Variants in MED13L observed in about 807,000 individuals in gnomAD.
MED13L encodes the protein mediator complex subunit 13L, also known as mediator of RNA polymerase II transcription subunit 13-like.
A neutral mutation model predicts 220.9 loss-of-function variants in MED13L; 7 were observed. That is an observed-to-expected ratio of 0.03 (90% CI 0.02 to 0.06). The LOEUF is 0.06. MED13L is among the 10% of genes least tolerant of loss of function. The pLI, the probability that MED13L is intolerant of heterozygous loss-of-function variation, is 1.00. For missense variants in MED13L, 1,965 were observed against 2,760.5 expected (o/e 0.71, Z 6.46); for synonymous variants, 1,011 against 1,015.2 (o/e 1.00, Z 0.08).
At chr12:116,196,016 G>C (rs1258420146) in intron 2 of MED13L, among the ~76,000 whole-genome samples, 1 of 151,964 alleles carries the variant, frequency 6.6e-6, no homozygotes, top group Non-Finnish European at 1.5e-5. Context: ...AGGCAAAGAA[G>C]TTTTAAAGAT....
chr12:116,229,960 T>C (rs1869396026), intron 2 of MED13L, among the ~76,000 whole-genome samples: 2 of 152,188 alleles, frequency 1.3e-5, no homozygotes, highest in Non-Finnish European at 2.9e-5. Flanking sequence ...ACTTGAATAA[T>C]TCAGATCCAA....
chr12:116,022,384 A>G (rs1880109167), intron 5 of MED13L, 72 bp downstream of exon 5: 2 of 1,585,500 alleles, frequency 1.3e-6, no homozygotes, highest in African/African-American at 2.7e-5. Flanking sequence ...TCACCCTGCA[A>G]AACTTTACTG....
chr12:116,213,563 G>T (rs568365374), intron 2 of MED13L, among the ~76,000 whole-genome samples: 53 of 152,152 alleles, frequency 3.5e-4, no homozygotes, highest in Admixed American at 1.5e-3. Context: ...ACAGGCATGC[G>T]CCACCATGCC....
At chr12:115,987,016 G>A (rs1300921688) in intron 18 of MED13L, 93 bp downstream of exon 18, 5 of 1,279,850 alleles carry the variant, frequency 3.9e-6, no homozygotes, top group Non-Finnish European at 4.4e-6. Context: ...CCCCTATTTT[G>A]TTAGTGACGC....
Position 115,998,288 on chromosome 12 carries a change from A to G in MED13L, c.2570-1058T>C, listed in dbSNP as rs1373597992. On this transcript the variant is annotated intron_variant, in intron 14 of 30. Transcript: ENST00000281928. Reference sequence around the variant, plus strand: ...CAGCAAATTTTTTAAGTTTGGAGCCACAGGTTTTTAAATCAGTGATTTAAT... The same window carrying G: ...CAGCAAATTTTTTAAGTTTGGAGCCGCAGGTTTTTAAATCAGTGATTTAAT... Among the ~76,000 whole-genome samples, 3 of 152,324 alleles carry G rather than the reference A, an allele frequency of 2.0e-5. No homozygotes were observed. The East Asian group carries it at 5.8e-4, about 29-fold the overall frequency.
At chr12:116,248,762 T>C (rs1265111464) in intron 1 of MED13L, among the ~76,000 whole-genome samples, 1 of 152,246 alleles carries the variant, frequency 6.6e-6, no homozygotes, top group East Asian at 1.9e-4. Context: ...TCTGGTTCTA[T>C]AAGAAAAAGT....
intron 2 of MED13L, among the ~76,000 whole-genome samples, chr12:116,170,963 A>C (rs530714034): frequency 6.6e-6 from 1 of 152,376 alleles, no homozygotes; most frequent in Admixed American, 6.5e-5. Context: ...CTTCTGAAGA[A>C]TACAACTACC....
At chr12:116,001,077 A>AT (rs1319490477) in intron 14 of MED13L, among the ~76,000 whole-genome samples, 2 of 152,218 alleles carry the variant, frequency 1.3e-5, no homozygotes, top group South Asian at 4.1e-4. Context: ...AATACTGTAT[A>AT]TTATTAAAAT....
At chr12:116,150,076 T>C (rs1471543409) in intron 2 of MED13L, among the ~76,000 whole-genome samples, 1 of 152,218 alleles carries the variant, frequency 6.6e-6, no homozygotes, top group Non-Finnish European at 1.5e-5. Flanking sequence ...AATGCACACA[T>C]GGACAGATTT....
chr12:116,183,444 C>T (rs976142404), intron 2 of MED13L, among the ~76,000 whole-genome samples: 2 of 152,132 alleles, frequency 1.3e-5, no homozygotes, highest in Non-Finnish European at 2.9e-5. Context: ...TATTATAAAA[C>T]ATATCAAAGT....
chr12:116,220,336 T>C (rs919537222), intron 2 of MED13L, among the ~76,000 whole-genome samples: 4 of 152,246 alleles, frequency 2.6e-5, no homozygotes, highest in Admixed American at 6.5e-5. Flanking sequence ...GAGAAAACTA[T>C]TATTTACATA....
At chr12:116,251,335 G>C (rs1222316488) in intron 1 of MED13L, among the ~76,000 whole-genome samples, 41 of 57,374 alleles carry the variant, frequency 7.1e-4, no homozygotes, top group African/African-American at 2.5e-3. Flanking sequence ...TTTTTTTTTT[G>C]TATTTTACTA....
intron 2 of MED13L, among the ~76,000 whole-genome samples, chr12:116,199,784 TC>T (rs1881884589): frequency 6.6e-6 from 1 of 151,930 alleles, no homozygotes; most frequent in African/African-American, 2.4e-5. Flanking sequence ...AATAAAGAAA[TC>T]TATCTGCCTT....
chr12:116,057,370 C>T (rs1420924508), intron 4 of MED13L, among the ~76,000 whole-genome samples: 1 of 152,046 alleles, frequency 6.6e-6, no homozygotes, highest in Non-Finnish European at 1.5e-5. Context: ...AGCAACCAAA[C>T]TGCAAAACTC....
chr12:115,961,020 A>G lies in MED13L; in HGVS notation c.*246T>C. 3.8e-6 allele frequency: 2 copies of G among 530,166 alleles called. No individual in the cohort carries two copies. Among genetic ancestry groups the G allele is most frequent in the Non-Finnish European group, 3.4e-6 (1 of 290,658 alleles). 32.8% of individuals were successfully genotyped at this position (530,166 alleles called of 1,614,324 possible). A position where few individuals can be genotyped will look rare whatever the true frequency, so the allele number is the denominator to read the frequency against. ...GGGACCAGTGGTTGGGGCTACACAC[A>G]CCACCGCACTGGCTGAAAGTCACCA... On this transcript the variant is annotated 3_prime_UTR_variant, in exon 31 of 31. Coordinates refer to ENST00000281928, the MANE Select transcript of MED13L (RefSeq NM_015335.5).
chr12:116,198,659 A>G (rs996115875), intron 2 of MED13L, among the ~76,000 whole-genome samples: 3 of 152,084 alleles, frequency 2.0e-5, no homozygotes, highest in African/African-American at 4.8e-5. Context: ...TTTTATAATT[A>G]CATCTTTCTT....
intron 2 of MED13L, among the ~76,000 whole-genome samples, chr12:116,205,578 T>C (rs1882264382): frequency 6.9e-6 from 1 of 145,790 alleles, no homozygotes. Flanking sequence ...AAGAGCTAAG[T>C]CCTTTTCCTC....
intron 8 of MED13L, 126 bp downstream of exon 8, chr12:116,014,983 G>C (rs1879637367): frequency 2.3e-6 from 2 of 884,824 alleles, no homozygotes; most frequent in Admixed American, 3.7e-5. Flanking sequence ...AATTCAAAAA[G>C]ATGAAATACC....
In MED13L at chr12:115,982,569, C is replaced by T; in HGVS notation, c.4990G>A (p.Glu1664Lys). 6.2e-7 allele frequency: 1 copy of T among 1,614,088 alleles called. No homozygotes were observed. The part of the protein sequence containing the change: ...TERERIGIPT[E>K]PDSADSHAHP... ...GCATGGCTGTCTGCAGAGTCAGGCT[C>T]CGTGGGAATTCCTATTCTCTCCCTT... The change falls in exon 22 of 31, where the codon GAG becomes AAG. Residue 1664 changes from glutamate (E) to lysine (K), a missense_variant. By Grantham distance (56) the Glu-to-Lys change is moderately conservative (BLOSUM62 1). Transcript: ENST00000281928.
Sources: allele counts gnomAD v4.1 joint callset (sites outside exome capture counted in the v4.1 genomes callset), GRCh38; gene constraint gnomAD v4.1.1; transcripts MANE v1.5; gene names NCBI Gene and HGNC (gene_info 2026-07-23, HGNC 2026-07-21).